Variants in LEO1 observed in about 807,000 individuals in gnomAD.
The protein encoded by LEO1 is LEO1 component of Paf1/RNA polymerase II complex.
Under a neutral mutation model 80.4 loss-of-function variants are expected in LEO1, and 34 were observed. The ratio of observed to expected loss-of-function variants is 0.42; its 90% CI spans 0.32 to 0.56. The LOEUF (loss-of-function observed/expected upper bound fraction) is 0.56, where lower values mean the gene tolerates loss of function less well. Ranked by LOEUF, LEO1 falls within the 20% of genes least tolerant of loss-of-function variation. The pLI is 0.10. For synonymous variants in LEO1, 262 were observed against 274.9 expected, an observed-to-expected ratio of 0.95 and a Z score of 0.46; for missense variants, 631 against 814.2, an observed-to-expected ratio of 0.77 and a Z score of 2.74.
Position 51,949,802 on chromosome 15 carries a change from A to G in LEO1, c.1798+6T>C. ...TGATGAAATGTAATTTCCATACACG[A>G]CTCACCTCGAATGCCCCCTTTATAT... On this transcript the variant is annotated splice_donor_region_variant and intron_variant, in intron 10 of 11. Coordinates refer to ENST00000299601, the MANE Select transcript of LEO1 (RefSeq NM_138792.4). The G allele has an allele frequency of 6.2e-7, 1 of 1,611,468 alleles. No homozygotes were observed. The highest frequency in any genetic ancestry group is 1.1e-5 in the South Asian group (1 of 90,954).
At chr15:51,961,138 T>C (rs755929513) in intron 3 of LEO1, among the ~76,000 whole-genome samples, 8 of 152,082 alleles carry the variant, frequency 5.3e-5, no homozygotes, top group Non-Finnish European at 8.8e-5. Context: ...ATCCCAGCAC[T>C]TTGGGAGGCC....
intron 11 of LEO1, among the ~76,000 whole-genome samples, chr15:51,938,623 A>C (rs1349500998): frequency 6.6e-6 from 1 of 152,296 alleles, no homozygotes; most frequent in East Asian, 1.9e-4. Context: ...TCATTATCTA[A>C]AATTCAGTAT....
intron 9 of LEO1, among the ~76,000 whole-genome samples, chr15:51,950,508 G>A (rs574303147): frequency 1.1e-4 from 16 of 152,142 alleles, no homozygotes; most frequent in Admixed American, 7.2e-4. Context: ...GTTGGGGAGC[G>A]TCCTAGAGCC....
At chr15:51,949,264 A>G (rs572103756) in intron 10 of LEO1, among the ~76,000 whole-genome samples, 1 of 152,366 alleles carries the variant, frequency 6.6e-6, no homozygotes, top group Admixed American at 6.5e-5. Context: ...AAGGTTGACA[A>G]AAGTTCCAGT....
chr15:51,969,042 C>T (rs2141785526), intron 1 of LEO1, among the ~76,000 whole-genome samples: 1 of 152,192 alleles, frequency 6.6e-6, no homozygotes, highest in South Asian at 2.1e-4. Context: ...AATCTTGGCT[C>T]ACTGCAACCT....
At chr15:51,955,288 G>C (rs2056980520) in intron 6 of LEO1, among the ~76,000 whole-genome samples, 2 of 152,148 alleles carry the variant, frequency 1.3e-5, no homozygotes, top group Admixed American at 6.6e-5. Flanking sequence ...TTCTCTCACA[G>C]AGCTAAAAAC....
rs150903949 is a variant in LEO1 at position 51,955,839 on chromosome 15, A to G, written c.1246-1264T>C. On this transcript the variant is annotated intron_variant, in intron 6 of 11. Coordinates refer to ENST00000299601, the MANE Select transcript of LEO1 (RefSeq NM_138792.4). Reference sequence around the variant, plus strand: ...CCCTTTCCCTATTTATTCCTCACAAATAGCTATAAAGTGTGCTGATTGAAT... The same window carrying G: ...CCCTTTCCCTATTTATTCCTCACAAGTAGCTATAAAGTGTGCTGATTGAAT... 5.6e-3 allele frequency among the ~76,000 whole-genome samples: 854 copies of G among 152,264 alleles called. 9 individuals carry two copies. The highest frequency in any genetic ancestry group is 0.02 in the African/African-American group (825 of 41,548).
rs770316160 is a variant in LEO1, at chr15:51,960,733, T to C, written c.920A>G (p.Asp307Gly). 6 of 1,577,338 alleles carry C rather than the reference T, an allele frequency of 3.8e-6. No individual in the cohort carries two copies. The highest frequency in any genetic ancestry group is 2.2e-5 in the East Asian group (1 of 44,694). The change falls in exon 4 of 12, where the codon GAT becomes GGT. Residue 307 changes from aspartate to glycine, a missense_variant and splice_region_variant. Asp to Gly is a moderately conservative substitution (Grantham distance 94). This residue lies in a region of LEO1 where 394 missense variants were observed against 395.6 expected (regional missense o/e 1.00). Coordinates refer to ENST00000299601, the MANE Select transcript of LEO1 (RefSeq NM_138792.4). ...AAATAAATCCATGGTTCCACTATTATCTTCAATGCAGAAGGAAAAAGGCAT... is the reference window on the plus strand; with the variant it reads ...AAATAAATCCATGGTTCCACTATTACCTTCAATGCAGAAGGAAAAAGGCAT... ...EADSDTEVPK[D>G]NSGTMDLFGG...
chr15:51,956,377 G>A (rs371618709), intron 6 of LEO1, among the ~76,000 whole-genome samples: 11 of 134,022 alleles, frequency 8.2e-5, no homozygotes, highest in Admixed American at 2.7e-4. Context: ...CTGAGATTGC[G>A]CCACTGCATT....
chr15:51,955,891 A>G (rs2056985192), intron 6 of LEO1, among the ~76,000 whole-genome samples: 1 of 152,230 alleles, frequency 6.6e-6, no homozygotes, highest in African/African-American at 2.4e-5. Flanking sequence ...TGAATTAAAC[A>G]TGATGTCATA....
At chr15:51,945,262 C>CAAAAAAAAAAAAAAAAAAAAAAAAA (rs71130110) in intron 11 of LEO1, among the ~76,000 whole-genome samples, 5 of 80,334 alleles carry the variant, frequency 6.2e-5, no homozygotes, top group African/African-American at 1.9e-4. Flanking sequence ...ACAAAAAATA[C>CAAAAAAAAAAAAAAAAAAAAAAAAA]AAAAAAAAAA....
chr15:51,970,748 A>G (rs969272497), intron 1 of LEO1, among the ~76,000 whole-genome samples: 8 of 152,192 alleles, frequency 5.3e-5, no homozygotes, highest in Non-Finnish European at 1.2e-4. Flanking sequence ...ACAACTAGAT[A>G]TATGTTGTCT....
chr15:51,960,827 C>G (rs766414026), intron 3 of LEO1, 94 bp from the exon 4 acceptor site: 3 of 740,052 alleles, frequency 4.1e-6, no homozygotes, highest in Non-Finnish European at 4.7e-6. Flanking sequence ...GGTTTCTGGA[C>G]CAGCATCAGA....
chr15:51,955,798 C>T (rs1004636894), intron 6 of LEO1, among the ~76,000 whole-genome samples: 1 of 152,166 alleles, frequency 6.6e-6, no homozygotes, highest in Admixed American at 6.5e-5. Context: ...CTAATGATTC[C>T]CCCTTCCAGT....
intron 6 of LEO1, among the ~76,000 whole-genome samples, chr15:51,956,238 T>G (rs1426602927): frequency 6.6e-6 from 1 of 151,964 alleles, no homozygotes; most frequent in Non-Finnish European, 1.5e-5. Flanking sequence ...GCCAACACAG[T>G]GAAACCCCAT....
chr15:51,954,735 A>G (rs2056975062), intron 6 of LEO1, 160 bp from the exon 7 acceptor site: 2 of 589,860 alleles, frequency 3.4e-6, no homozygotes, highest in East Asian at 2.8e-5. Flanking sequence ...TTAATCACCT[A>G]GAGAGGTTGG....
At chr15:51,968,408 G>A (rs975494368) in intron 1 of LEO1, among the ~76,000 whole-genome samples, 1 of 152,078 alleles carries the variant, frequency 6.6e-6, no homozygotes, top group African/African-American at 2.4e-5. Context: ...GGGCATGGGG[G>A]CACACGCCTG....
chr15:51,957,361 ACTG>A (rs1469295239), intron 6 of LEO1, among the ~76,000 whole-genome samples: 2 of 152,202 alleles, frequency 1.3e-5, no homozygotes, highest in Non-Finnish European at 2.9e-5. Context: ...AAAAATTGAT[ACTG>A]CTAAGCCTAA....
chr15:51,971,289 G>A (rs1408389479), intron 1 of LEO1, among the ~76,000 whole-genome samples: 1 of 152,018 alleles, frequency 6.6e-6, no homozygotes, highest in Non-Finnish European at 1.5e-5. Context: ...CTGTAAATTC[G>A]CCCACCCCAT....
Sources: allele counts gnomAD v4.1 joint callset (sites outside exome capture counted in the v4.1 genomes callset), GRCh38; gene constraint gnomAD v4.1.1; regional missense constraint gnomAD v4.1.1; transcripts MANE v1.5; gene names NCBI Gene and HGNC (gene_info 2026-07-23, HGNC 2026-07-21).